The following CCDC152 variants were observed in gnomAD, a reference collection of about 807,000 sequenced individuals.
CCDC152 encodes the protein coiled-coil domain-containing protein 152.
In CCDC152, 37 loss-of-function variants were observed where a neutral mutation model predicts 38.1. That is an observed-to-expected ratio of 0.97 (90% CI 0.75 to 1.28). The LOEUF (loss-of-function observed/expected upper bound fraction) is 1.28, where lower values mean the gene tolerates loss of function less well. Ranked by LOEUF, CCDC152 falls within the 50% of genes most tolerant of loss-of-function variation. The pLI, the probability that CCDC152 is intolerant of heterozygous loss-of-function variation, is 0.00. For missense variants in CCDC152, 259 were observed against 292.1 expected (o/e 0.89, Z 0.83); for synonymous variants, 83 against 87.1 (o/e 0.95, Z 0.26).
intron 3 of CCDC152, 118 bp from the exon 4 acceptor site, chr5:42,769,479 A>T: frequency 2.5e-6 from 3 of 1,190,688 alleles, no homozygotes; most frequent in Non-Finnish European, 3.3e-6. Context: ...ATAGGACTAC[A>T]AGGCACACAT....
At chr5:42,760,095 G>T (rs1237725007) in intron 2 of CCDC152, among the ~76,000 whole-genome samples, 2 of 151,956 alleles carry the variant, frequency 1.3e-5, no homozygotes, top group Non-Finnish European at 2.9e-5. Context: ...ACGAGGTCAG[G>T]ATATCGAGAC....
chr5:42,769,783 C>A, intron 4 of CCDC152, 118 bp downstream of exon 4: 1 of 1,159,872 alleles, frequency 8.6e-7, no homozygotes, highest in Non-Finnish European at 1.1e-6. Context: ...AAGAGGACTC[C>A]TTACTACTTA....
At chr5:42,779,295 TC>T (rs1490195244) in intron 4 of CCDC152, among the ~76,000 whole-genome samples, 162 bp from the exon 5 acceptor site, 1 of 152,196 alleles carries the variant, frequency 6.6e-6, no homozygotes, top group Admixed American at 6.5e-5. Context: ...GTAACTCTTT[TC>T]ACTTTCATAT....
chr5:42,768,134 A>T (rs1240616807), intron 3 of CCDC152, among the ~76,000 whole-genome samples: 2 of 152,194 alleles, frequency 1.3e-5, no homozygotes, highest in Non-Finnish European at 2.9e-5. Flanking sequence ...GAAAAAGTAC[A>T]TGAGACTGAG....
rs1050054458 is a variant in CCDC152 at position 42,800,525 on chromosome 5, C to A, written c.*744C>A. 4 of 601,462 alleles carry A rather than the reference C, an allele frequency of 6.7e-6. No homozygotes were observed. The highest frequency in any genetic ancestry group is 1.1e-5 in the Non-Finnish European group (4 of 367,820). 37.3% of individuals were successfully genotyped at this position (601,462 alleles called of 1,614,324 possible). A position where few individuals can be genotyped will look rare whatever the true frequency, so the allele number is the denominator to read the frequency against. On this transcript the variant is annotated 3_prime_UTR_variant, in exon 9 of 9. Coordinates refer to ENST00000361970, the MANE Select transcript of CCDC152 (RefSeq NM_001134848.2). Reference sequence around the variant, plus strand: ...AAGCTGCAATCACCTTTCAGTTGCTCCATCATAAAAAATATGGTTTGAGTC... The same window carrying A: ...AAGCTGCAATCACCTTTCAGTTGCTACATCATAAAAAATATGGTTTGAGTC...
At chr5:42,779,423 A>G (rs772563109) in intron 4 of CCDC152, 35 bp from the exon 5 acceptor site, 1 of 1,174,714 alleles carries the variant, frequency 8.5e-7, no homozygotes, top group East Asian at 2.6e-5. Context: ...GAAAAGTGCT[A>G]TATATTATGA....
At chr5:42,775,507 T>A (rs760804722) in intron 4 of CCDC152, among the ~76,000 whole-genome samples, 3 of 152,130 alleles carry the variant, frequency 2.0e-5, no homozygotes, top group Admixed American at 6.5e-5. Flanking sequence ...AAATAAAGAC[T>A]TTCTTAGACA....
At chr5:42,799,311 A>G in intron 7 of CCDC152, 64 bp from the exon 8 acceptor site, 1 of 833,666 alleles carries the variant, frequency 1.2e-6, no homozygotes, top group South Asian at 1.7e-5. Flanking sequence ...ATGGATTATA[A>G]TTATAGAAAC....
At chr5:42,785,098 T>C (rs1000979861) in intron 6 of CCDC152, among the ~76,000 whole-genome samples, 1 of 152,168 alleles carries the variant, frequency 6.6e-6, no homozygotes, top group African/African-American at 2.4e-5. Context: ...TCTGTTTTGG[T>C]TCCATATAAA....
At chr5:42,766,404 C>G (rs534964134) in intron 3 of CCDC152, among the ~76,000 whole-genome samples, 1 of 152,130 alleles carries the variant, frequency 6.6e-6, no homozygotes, top group Non-Finnish European at 1.5e-5. Flanking sequence ...CCCAGCAATC[C>G]CACTGCTGGG....
intron 6 of CCDC152, among the ~76,000 whole-genome samples, chr5:42,795,804 G>A (rs548824586): frequency 9.2e-5 from 14 of 151,622 alleles, no homozygotes; most frequent in African/African-American, 2.7e-4. Flanking sequence ...TGTTTATTGC[G>A]GCACTATTCA....
chr5:42,762,632 T>A (rs1271143994), intron 3 of CCDC152, 84 bp downstream of exon 3: 8 of 755,860 alleles, frequency 1.1e-5, no homozygotes, highest in Non-Finnish European at 1.6e-5. Flanking sequence ...ACCATATATT[T>A]GTAAAGTGTT....
intron 2 of CCDC152, among the ~76,000 whole-genome samples, chr5:42,760,382 A>G (rs1376905885): frequency 1.3e-5 from 2 of 151,892 alleles, no homozygotes; most frequent in Non-Finnish European, 2.9e-5. Flanking sequence ...AAGTAAATGC[A>G]TATTTCAATC....
chr5:42,783,389 G>A (rs1759874123), intron 5 of CCDC152, 85 bp from the exon 6 acceptor site: 1 of 469,250 alleles, frequency 2.1e-6, no homozygotes, highest in Admixed American at 5.6e-5. Flanking sequence ...AAAGTAATAT[G>A]AATGGAGAAT....
At chr5:42,775,836 C>T (rs905496598) in intron 4 of CCDC152, among the ~76,000 whole-genome samples, 2 of 150,478 alleles carry the variant, frequency 1.3e-5, no homozygotes, top group Non-Finnish European at 3.0e-5. Context: ...CTTGTACTAC[C>T]TGAGAAGCGG....
Position 42,799,475 on chromosome 5 carries a change from CTCAG to C in CCDC152, c.642+19_642+22del, listed in dbSNP as rs763632189. On this transcript the variant is annotated intron_variant, in intron 8 of 8. Transcript: ENST00000361970. ...TACAGAAGGGTATGTGAGTTTTCCTCTCAGTATTTGTTGCTTAAGAAAACTTTCT... is the reference window on the plus strand; with the variant it reads ...TACAGAAGGGTATGTGAGTTTTCCTCTATTTGTTGCTTAAGAAAACTTTCT... 91 of 1,456,356 alleles carry C rather than the reference CTCAG, an allele frequency of 6.2e-5. No individual in the cohort carries two copies. The African/African-American group carries it at 1.2e-3, about 19-fold the overall frequency. The allele number at this position is 1,456,356 out of a possible 1,614,324, so 90.2% of individuals were successfully genotyped here. A position where few individuals can be genotyped will look rare whatever the true frequency, so the allele number is the denominator to read the frequency against.
intron 3 of CCDC152, among the ~76,000 whole-genome samples, chr5:42,765,139 A>C (rs1435909217): frequency 6.6e-6 from 1 of 152,206 alleles, no homozygotes; most frequent in East Asian, 1.9e-4. Context: ...AACAACCTAA[A>C]ATAGAAATTT....
At chr5:42,783,812 T>C (rs573178270) in intron 6 of CCDC152, among the ~76,000 whole-genome samples, 2 of 151,700 alleles carry the variant, frequency 1.3e-5, no homozygotes, top group Non-Finnish European at 2.9e-5. Context: ...TACCCATTGT[T>C]TAGCTCCCAC....
chr5:42,781,696 C>T (rs1197160969), intron 5 of CCDC152, among the ~76,000 whole-genome samples: 2 of 152,098 alleles, frequency 1.3e-5, no homozygotes, highest in African/African-American at 4.8e-5. Context: ...CTTATTGGCA[C>T]TCCCATTCAT....
Sources: allele counts gnomAD v4.1 joint callset (sites outside exome capture counted in the v4.1 genomes callset), GRCh38; gene constraint gnomAD v4.1.1; transcripts MANE v1.5; gene names NCBI Gene and HGNC (gene_info 2026-07-23, HGNC 2026-07-21).